The following TMEM170B variants were observed in gnomAD, a reference collection of about 807,000 sequenced individuals.
TMEM170B encodes the protein transmembrane protein 170B.
Under a neutral mutation model 13.0 loss-of-function variants are expected in TMEM170B, and 6 were observed. The ratio of observed to expected loss-of-function variants is 0.46; its 90% confidence interval spans 0.25 to 0.91. The LOEUF (loss-of-function observed/expected upper bound fraction) is 0.91. Among genes scored for constraint, TMEM170B ranks in the 40% least tolerant of loss-of-function variants. TMEM170B has a pLI of 0.17. For synonymous variants in TMEM170B, 61 were observed against 64.9 expected, an observed-to-expected ratio of 0.94 and a Z score of 0.29; for missense variants, 138 against 165.2, an observed-to-expected ratio of 0.84 and a Z score of 0.90.
At chr6:11,572,536 A>C (rs1190847361) in intron 2 of TMEM170B, among the ~76,000 whole-genome samples, 4 of 152,170 alleles carry the variant, frequency 2.6e-5, no homozygotes, top group Non-Finnish European at 4.4e-5. Context: ...ATTTAAGATG[A>C]AAGTTTCTTG....
At chr6:11,548,737 G>A (rs1196858899) in intron 1 of TMEM170B, among the ~76,000 whole-genome samples, 1 of 152,174 alleles carries the variant, frequency 6.6e-6, no homozygotes, top group African/African-American at 2.4e-5. Context: ...GGAATACTAT[G>A]CAGCCATAAA....
chr6:11,550,043 G>A (rs909447401), intron 1 of TMEM170B, among the ~76,000 whole-genome samples: 1 of 151,964 alleles, frequency 6.6e-6, no homozygotes, highest in Non-Finnish European at 1.5e-5. Flanking sequence ...TCGCTGTGTT[G>A]CCCAGGCTGG....
At chr6:11,572,283 G>A (rs1759815401) in intron 2 of TMEM170B, among the ~76,000 whole-genome samples, 1 of 152,194 alleles carries the variant, frequency 6.6e-6, no homozygotes, top group Non-Finnish European at 1.5e-5. Flanking sequence ...GTTGGCCATA[G>A]AATGGATAAA....
chr6:11,542,844 T>C (rs1334578714), intron 1 of TMEM170B, among the ~76,000 whole-genome samples: 4 of 152,202 alleles, frequency 2.6e-5, no homozygotes, highest in Non-Finnish European at 5.9e-5. Flanking sequence ...ATTTGTTGAA[T>C]GGCCGCTGTG....
intron 1 of TMEM170B, among the ~76,000 whole-genome samples, chr6:11,554,138 T>TTTCA (rs1759558932): frequency 6.6e-6 from 1 of 152,106 alleles, no homozygotes; most frequent in Non-Finnish European, 1.5e-5. Context: ...TCATTACAAG[T>TTTCA]TATGCTCGTT....
chr6:11,560,519 G>A (rs537610496), intron 1 of TMEM170B, among the ~76,000 whole-genome samples: 23 of 148,880 alleles, frequency 1.5e-4, no homozygotes, highest in South Asian at 4.2e-4. Flanking sequence ...ACTGAGGCAG[G>A]AGAATCGTTT....
chr6:11,541,608 T>C (rs891205076), intron 1 of TMEM170B, among the ~76,000 whole-genome samples: 7 of 152,358 alleles, frequency 4.6e-5, no homozygotes, highest in African/African-American at 1.7e-4. Context: ...TGCTTTCTTA[T>C]GATTTGTGTG....
At chr6:11,549,906 G>C (rs1176547747) in intron 1 of TMEM170B, among the ~76,000 whole-genome samples, 1 of 151,992 alleles carries the variant, frequency 6.6e-6, no homozygotes, top group Admixed American at 6.6e-5. Context: ...TTTGAGGAAT[G>C]TAGGTTACTA....
chr6:11,546,857 G>A (rs989714698), intron 1 of TMEM170B, among the ~76,000 whole-genome samples: 5 of 152,114 alleles, frequency 3.3e-5, no homozygotes, highest in African/African-American at 9.7e-5. Flanking sequence ...ATGTATCCCC[G>A]TCATTAGGCA....
Position 11,537,782 on chromosome 6 carries a change from G to A in TMEM170B, c.-496G>A, listed in dbSNP as rs951117615. ...GTCGGCGACCCGAGGGCGGGCAGGC[G>A]GGCGGCAGGTGCCGCCGCAGCCTCT... is the stretch of plus-strand genomic sequence containing the variant. On this transcript the variant is annotated 5_prime_UTR_variant, in exon 1 of 3. Coordinates refer to ENST00000379426, the MANE Select transcript of TMEM170B (RefSeq NM_001100829.3). Among the ~76,000 whole-genome samples, 6 of 151,542 alleles carry A rather than the reference G, an allele frequency of 4.0e-5. No individual in the cohort carries two copies. The highest frequency in any genetic ancestry group is 9.7e-5 in the African/African-American group (4 of 41,370).
intron 1 of TMEM170B, among the ~76,000 whole-genome samples, chr6:11,552,305 T>A (rs1391883307): frequency 2.0e-5 from 3 of 152,120 alleles, no homozygotes; most frequent in Non-Finnish European, 4.4e-5. Flanking sequence ...ATAACCCAGA[T>A]TTTTTTTAAA....
Position 11,583,323 on chromosome 6 carries a change from A to T in TMEM170B, c.*7762A>T, listed in dbSNP as rs942099431. 1 of 152,226 alleles carries T rather than the reference A, an allele frequency of 6.6e-6. No individual in the cohort carries two copies. Among genetic ancestry groups the T allele is most frequent in the Admixed American group, 6.5e-5 (1 of 15,272 alleles). 9.4% of individuals were successfully genotyped at this position (152,226 alleles called of 1,614,324 possible). The stretch of plus-strand genomic sequence containing the variant: ...TCACAGGACCATTTCTGAGGTCCAC[A>T]TGTGGCTCTCCTCTTTGTAATATAC... On this transcript the variant is annotated 3_prime_UTR_variant, in exon 3 of 3. Coordinates refer to ENST00000379426, the MANE Select transcript of TMEM170B (RefSeq NM_001100829.3).
chr6:11,571,498 A>G (rs995473522), intron 2 of TMEM170B, among the ~76,000 whole-genome samples: 2 of 152,148 alleles, frequency 1.3e-5, no homozygotes, highest in African/African-American at 4.8e-5. Context: ...CCTTCAGATC[A>G]TCTTGGCAGT....
At chr6:11,557,258 G>T (rs993317984) in intron 1 of TMEM170B, among the ~76,000 whole-genome samples, 2 of 152,154 alleles carry the variant, frequency 1.3e-5, no homozygotes, top group Non-Finnish European at 2.9e-5. Flanking sequence ...CTCATTGGAT[G>T]GGAGTGACAT....
chr6:11,538,408 C>T, intron 1 of TMEM170B, 34 bp downstream of exon 1: 2 of 1,423,716 alleles, frequency 1.4e-6, no homozygotes, highest in East Asian at 2.9e-5. Context: ...GACGGGGATG[C>T]GGTCCGCCCC....
chr6:11,563,245 A>C (rs937543109), intron 1 of TMEM170B, among the ~76,000 whole-genome samples: 7 of 152,162 alleles, frequency 4.6e-5, no homozygotes, highest in African/African-American at 1.7e-4. Flanking sequence ...CTGAGGCAGG[A>C]GAATCGCTTG....
chr6:11,549,063 T>TA (rs1759481405), intron 1 of TMEM170B, among the ~76,000 whole-genome samples: 1 of 152,168 alleles, frequency 6.6e-6, no homozygotes, highest in Admixed American at 6.5e-5. Flanking sequence ...CCCTAGAACT[T>TA]AAAGTATAAT....
At chr6:11,541,901 G>T (rs1342839841) in intron 1 of TMEM170B, among the ~76,000 whole-genome samples, 1 of 152,144 alleles carries the variant, frequency 6.6e-6, no homozygotes, top group Non-Finnish European at 1.5e-5. Context: ...ACTGAGGAAT[G>T]GCTGGTTGGT....
At chr6:11,572,284 A>C (rs988994115) in intron 2 of TMEM170B, among the ~76,000 whole-genome samples, 2 of 152,202 alleles carry the variant, frequency 1.3e-5, no homozygotes, top group Admixed American at 6.5e-5. Flanking sequence ...TTGGCCATAG[A>C]ATGGATAAAT....
Sources: allele counts gnomAD v4.1 joint callset (sites outside exome capture counted in the v4.1 genomes callset), GRCh38; gene constraint gnomAD v4.1.1; transcripts MANE v1.5; gene names NCBI Gene and HGNC (gene_info 2026-07-23, HGNC 2026-07-21).